Variants in CAMK2G observed in about 807,000 individuals in gnomAD.
CAMK2G encodes calcium/calmodulin dependent protein kinase II gamma.
A neutral mutation model predicts 88.7 loss-of-function variants in CAMK2G; 23 were observed. That is an observed-to-expected ratio of 0.26 (90% CI 0.19 to 0.37). CAMK2G has a LOEUF of 0.37. Ranked by LOEUF, CAMK2G falls within the 10% of genes least tolerant of loss-of-function variation. The pLI, the probability that CAMK2G is intolerant of heterozygous loss-of-function variation, is 1.00. For synonymous variants in CAMK2G, 263 were observed against 294.8 expected, an observed-to-expected ratio of 0.89 and a Z score of 1.11; for missense variants, 476 against 780.8, an observed-to-expected ratio of 0.61 and a Z score of 4.65.
intron 2 of CAMK2G, among the ~76,000 whole-genome samples, chr10:73,864,643 T>G (rs1034277918): frequency 1.3e-5 from 2 of 151,354 alleles, no homozygotes; most frequent in Admixed American, 6.6e-5. Flanking sequence ...CTTTTGTTTG[T>G]TTTTTTTGCT....
chr10:73,842,281 G>A lies in CAMK2G; in HGVS notation c.904-70C>T. 1.0e-5 allele frequency: 14 copies of A among 1,352,516 alleles called. No homozygotes were observed. Among genetic ancestry groups the A allele is most frequent in the African/African-American group, 1.4e-5 (1 of 69,930 alleles). 83.8% of individuals were successfully genotyped at this position (1,352,516 alleles called of 1,614,324 possible). On this transcript the variant is annotated intron_variant, in intron 11 of 22. Transcript: ENST00000423381. This position sits in a 1 kb window ranked among gnomAD's most constrained non-coding sequence, Gnocchi z 4.6. ...AAGGGCAGGCTGGTCTCAGGCAAAGGCAGGTCCTGGCTAGAGCCTGAAGAC... is the reference window on the plus strand; with the variant it reads ...AAGGGCAGGCTGGTCTCAGGCAAAGACAGGTCCTGGCTAGAGCCTGAAGAC...
At chr10:73,832,663 A>AT (rs2092636924) in intron 14 of CAMK2G, among the ~76,000 whole-genome samples, 1 of 152,088 alleles carries the variant, frequency 6.6e-6, no homozygotes, top group African/African-American at 2.4e-5. Context: ...TCTGCACTTT[A>AT]TTTTTCACTT....
chr10:73,828,091 T>G lies in CAMK2G; in HGVS notation c.1084A>C (p.Met362Leu). 1 of 1,613,304 alleles carries G rather than the reference T, an allele frequency of 6.2e-7. No individual in the cohort carries two copies. Among genetic ancestry groups the G allele is most frequent in the Non-Finnish European group, 8.5e-7 (1 of 1,179,274 alleles). ...ATGGGTGGGCAGGCAAGGCTCACCA[T>G]TAGGTGCACGCTGGAACTCGACTTC... ...KRKSSSSVHL[M>L]PQSNNKNSLV... Residue 362 changes from methionine to leucine, a missense_variant and splice_region_variant, in exon 15 of 23, where the codon ATG becomes CTG. Coordinates refer to ENST00000423381, the MANE Select transcript of CAMK2G (RefSeq NM_001367534.1).
At chr10:73,814,545 A>C (rs2084812261) in intron 22 of CAMK2G, 40 bp from the exon 23 acceptor site, 1 of 171,176 alleles carries the variant, frequency 5.8e-6, no homozygotes, top group African/African-American at 2.4e-5. Context: ...AACAGAGGAC[A>C]ATGAGCACAC....
intron 12 of CAMK2G, among the ~76,000 whole-genome samples, chr10:73,841,635 T>G (rs757618058): frequency 6.6e-6 from 1 of 152,220 alleles, no homozygotes; most frequent in Non-Finnish European, 1.5e-5. Context: ...TCTTTATTTC[T>G]TCACTGTTAT....
intron 5 of CAMK2G, among the ~76,000 whole-genome samples, chr10:73,851,681 C>A (rs1471813554): frequency 1.5e-5 from 2 of 135,554 alleles, no homozygotes; most frequent in Non-Finnish European, 3.0e-5. Flanking sequence ...AAAAGTATTT[C>A]TGGGGTCACA....
In CAMK2G at chr10:73,839,189, C is replaced by T. The variant is rs1281094505; in HGVS notation, c.1009+350G>A. Reference sequence around the variant, plus strand: ...TTAAACAGTGCTGCGGAAATCTAGTCCTAGCACCGGGCAGCTCAGGGCAAT... The same window carrying T: ...TTAAACAGTGCTGCGGAAATCTAGTTCTAGCACCGGGCAGCTCAGGGCAAT... On this transcript the variant is annotated intron_variant, in intron 13 of 22. Coordinates refer to ENST00000423381, the MANE Select transcript of CAMK2G (RefSeq NM_001367534.1). This position sits in a 1 kb window ranked among gnomAD's most constrained non-coding sequence, Gnocchi z 4.2. Among the ~76,000 whole-genome samples the T allele has an allele frequency of 1.3e-5, 2 of 152,316 alleles. No individual in the cohort carries two copies. The highest frequency in any genetic ancestry group is 3.9e-4 in the East Asian group (2 of 5,178).
chr10:73,820,342 G>T (rs2087519593), intron 18 of CAMK2G, among the ~76,000 whole-genome samples: 1 of 151,508 alleles, frequency 6.6e-6, no homozygotes, highest in South Asian at 2.1e-4. Flanking sequence ...GGCCCACCAG[G>T]ACATGACCAA....
rs144196184 is a variant in CAMK2G, at chr10:73,857,950, T to A, written c.220+2880A>T. Among the ~76,000 whole-genome samples, 71 of 152,326 alleles carry A rather than the reference T, an allele frequency of 4.7e-4. No homozygotes were observed. In the East Asian group the frequency reaches 0.012, roughly 25 times the overall value. Reference sequence around the variant, plus strand: ...GCGGAAAGTACAGGGTGTTCCCAAATACCCGAGAACATTCCCAAATACCCC... The same window carrying A: ...GCGGAAAGTACAGGGTGTTCCCAAAAACCCGAGAACATTCCCAAATACCCC... On this transcript the variant is annotated intron_variant, in intron 3 of 22. Coordinates refer to ENST00000423381, the MANE Select transcript of CAMK2G (RefSeq NM_001367534.1).
chr10:73,816,736 G>A (rs1443474653), intron 21 of CAMK2G: 19 of 1,359,206 alleles, frequency 1.4e-5, no homozygotes, highest in Non-Finnish European at 1.8e-5. Context: ...TGGGATTACA[G>A]GCGTAAGCCA....
rs2084709185 is a variant in CAMK2G at position 73,813,975 on chromosome 10, T to C, written c.*543A>G. 6.6e-6 allele frequency: 1 copy of C among 152,668 alleles called. No homozygotes were observed. The highest frequency in any genetic ancestry group is 1.9e-4 in the East Asian group (1 of 5,190). 9.5% of individuals were successfully genotyped at this position (152,668 alleles called of 1,614,324 possible). ...AGTAGGTCTGATGGTCACGATGTTCTCATCAGCCCCATTCTAGGCGCCTAT... is the reference window on the plus strand; with the variant it reads ...AGTAGGTCTGATGGTCACGATGTTCCCATCAGCCCCATTCTAGGCGCCTAT... On this transcript the variant is annotated 3_prime_UTR_variant, in exon 23 of 23. Transcript: ENST00000423381.
In CAMK2G at chr10:73,842,145, A is replaced by G; in HGVS notation, c.946+24T>C. 1 of 1,599,524 alleles carries G rather than the reference A, an allele frequency of 6.3e-7. No homozygotes were observed. Among genetic ancestry groups the G allele is most frequent in the South Asian group, 1.1e-5 (1 of 90,824 alleles). ...TGATCCACTCACCTCGGCATAATCAAAGTACACAGCTGGGAAAACATACCT... is the reference window on the plus strand; with the variant it reads ...TGATCCACTCACCTCGGCATAATCAGAGTACACAGCTGGGAAAACATACCT... On this transcript the variant is annotated intron_variant, in intron 12 of 22. Coordinates refer to ENST00000423381, the MANE Select transcript of CAMK2G (RefSeq NM_001367534.1). This position sits in a 1 kb window ranked among gnomAD's most constrained non-coding sequence, Gnocchi z 4.6.
intron 14 of CAMK2G, among the ~76,000 whole-genome samples, chr10:73,831,534 TAA>T (rs985986206): frequency 2.7e-4 from 15 of 54,630 alleles, no homozygotes; most frequent in Non-Finnish European, 3.2e-4. Context: ...AGACTCCGTC[TAA>T]AAAAAAAAAA....
intron 2 of CAMK2G, among the ~76,000 whole-genome samples, chr10:73,869,029 A>G (rs1185327635): frequency 6.6e-6 from 1 of 152,186 alleles, no homozygotes. Context: ...CAGACACACA[A>G]TCTGGAGAAG....
At position 73,839,600 on chromosome 10, in the gene CAMK2G, A is replaced by T. The variant is rs1488498623; in HGVS notation, c.948T>A (p.Val316=). The change falls in exon 13 of 23, where the codon GTT becomes GTA. Residue 316 remains valine (V), a splice_region_variant and synonymous_variant. Transcript: ENST00000423381. The surrounding 1 kb of genome is among the most constrained non-coding windows in gnomAD (Gnocchi z 4.2). ...TTMLVSRNFS[V]GRQSSAPASP... ...AGGCGGGGGCGGAGCTCTGCCTGCCAACTGAGGGGATACAGTCTCTCAGTG... is the reference window on the plus strand; with the variant it reads ...AGGCGGGGGCGGAGCTCTGCCTGCCTACTGAGGGGATACAGTCTCTCAGTG... The T allele has an allele frequency of 4.9e-5, 60 of 1,232,316 alleles. No individual in the cohort carries two copies. Among genetic ancestry groups the T allele is most frequent in the Non-Finnish European group, 6.0e-5 (59 of 986,608 alleles). The allele number at this position is 1,232,316 out of a possible 1,614,324, so 76.3% of individuals were successfully genotyped here.
In CAMK2G at chr10:73,873,444, G is replaced by C. The variant is rs573178584; in HGVS notation, c.66-361C>G. Reference sequence around the variant, plus strand: ...CGGCCAAGAGAACCAGGGCAGAAGGGAGCAGAGAGACCCTGCCCTTCTCTC... The same window carrying C: ...CGGCCAAGAGAACCAGGGCAGAAGGCAGCAGAGAGACCCTGCCCTTCTCTC... On this transcript the variant is annotated intron_variant, in intron 1 of 22. Transcript: ENST00000423381. The C allele has an allele frequency of 2.0e-5, 22 of 1,115,566 alleles. No individual in the cohort carries two copies. In the East Asian group the frequency reaches 8.9e-4, roughly 45 times the overall value. 69.1% of individuals were successfully genotyped at this position (1,115,566 alleles called of 1,614,324 possible). A position where few individuals can be genotyped will look rare whatever the true frequency, so the allele number is the denominator to read the frequency against.
intron 14 of CAMK2G, 36 bp downstream of exon 14, chr10:73,837,432 A>G: frequency 6.4e-7 from 1 of 1,569,692 alleles, no homozygotes; most frequent in Non-Finnish European, 8.8e-7. Context: ...TGCGGGGAGA[A>G]AGAGGCCAGT....
At chr10:73,851,635 A>C (rs1390180889) in intron 5 of CAMK2G, among the ~76,000 whole-genome samples, 1 of 151,198 alleles carries the variant, frequency 6.6e-6, no homozygotes, top group East Asian at 2.0e-4. Flanking sequence ...AGAGGGGGAC[A>C]TTGGGCATGG....
intron 10 of CAMK2G, among the ~76,000 whole-genome samples, chr10:73,844,007 T>G (rs1341228406): frequency 6.6e-6 from 1 of 152,198 alleles, no homozygotes; most frequent in Non-Finnish European, 1.5e-5. Context: ...AAACCTTTGC[T>G]TCCTCAATTA....
Sources: gnomAD v4.1 joint callset for allele counts (sites outside exome capture counted in the v4.1 genomes callset) on GRCh38, gnomAD v4.1.1 for gene constraint, Gnocchi (gnomAD v3.1) non-coding constraint, MANE v1.5 for transcripts, NCBI Gene and HGNC (gene_info 2026-07-23, HGNC 2026-07-21) for gene names.